TFAP2D: variants seen among roughly 807,000 people sequenced by gnomAD.
TFAP2D encodes the protein transcription factor AP-2 delta, also known as transcription factor AP-2-delta.
In TFAP2D, 9 loss-of-function variants were observed where a neutral mutation model predicts 43.6. That is an observed-to-expected ratio of 0.21 (90% confidence interval 0.12 to 0.36). The LOEUF (loss-of-function observed/expected upper bound fraction) is 0.36, where lower values mean the gene tolerates loss of function less well. Ranked by LOEUF, TFAP2D falls within the 10% of genes least tolerant of loss-of-function variation. The probability of loss-of-function intolerance (pLI) is 1.00; values close to 1 mark genes in which losing one functional copy is unlikely to be tolerated. For missense variants in TFAP2D, 513 were observed against 561.4 expected, an observed-to-expected ratio of 0.91 and a Z score of 0.87; for synonymous variants, 256 against 224.9, an observed-to-expected ratio of 1.14 and a Z score of -1.24.
At chr6:50,728,154 C>T (rs910757829) in intron 3 of TFAP2D, among the ~76,000 whole-genome samples, 3 of 152,132 alleles carry the variant, frequency 2.0e-5, no homozygotes, top group Admixed American at 2.0e-4. Flanking sequence ...TTACAATTTA[C>T]ATTTACAATG....
chr6:50,747,110 C>G (rs779604954), intron 6 of TFAP2D, among the ~76,000 whole-genome samples: 2 of 152,064 alleles, frequency 1.3e-5, no homozygotes, highest in Non-Finnish European at 2.9e-5. Flanking sequence ...AAATCTGAAC[C>G]TTTTGCATAT....
At chr6:50,751,364 C>A in intron 7 of TFAP2D, 40 bp downstream of exon 7, 2 of 1,343,328 alleles carry the variant, frequency 1.5e-6, no homozygotes, top group South Asian at 1.2e-5. Flanking sequence ...TCTTTACTAA[C>A]CCAGATGCTT....
Position 50,751,204 on chromosome 6 carries a change from A to T in TFAP2D, c.1026-7A>T. ...TTTCAATTTTAAATTTGATTCTTTT[A>T]TTTTAGACAAATCTGTAAAGAATTC... is the stretch of plus-strand genomic sequence containing the variant. On this transcript the variant is annotated splice_polypyrimidine_tract_variant and splice_region_variant and intron_variant, in intron 6 of 7. Coordinates refer to ENST00000008391, the MANE Select transcript of TFAP2D (RefSeq NM_172238.4). 6.3e-7 allele frequency: 1 copy of T among 1,586,750 alleles called. No homozygotes were observed. The highest frequency in any genetic ancestry group is 8.6e-7 in the Non-Finnish European group (1 of 1,158,272).
intron 7 of TFAP2D, among the ~76,000 whole-genome samples, chr6:50,767,690 G>A (rs537351024): frequency 1.2e-4 from 18 of 152,264 alleles, no homozygotes; most frequent in Non-Finnish European, 2.2e-4. Context: ...TCAATTGGCT[G>A]AGAGAGGGAG....
intron 7 of TFAP2D, among the ~76,000 whole-genome samples, chr6:50,755,805 A>T (rs1360085623): frequency 1.3e-5 from 2 of 152,076 alleles, no homozygotes; most frequent in Non-Finnish European, 2.9e-5. Context: ...AAAATTAAAA[A>T]TAAAAATATT....
chr6:50,749,846 G>T (rs1390242304), intron 6 of TFAP2D, among the ~76,000 whole-genome samples: 3 of 151,856 alleles, frequency 2.0e-5, no homozygotes, highest in Non-Finnish European at 2.9e-5. Context: ...GATCCAACTG[G>T]CCCTTTAGGA....
chr6:50,749,933 C>T (rs888913801), intron 6 of TFAP2D, among the ~76,000 whole-genome samples: 1 of 151,842 alleles, frequency 6.6e-6, no homozygotes, highest in Non-Finnish European at 1.5e-5. Context: ...TTTTTACTTT[C>T]ACCTGTGTTC....
intron 3 of TFAP2D, among the ~76,000 whole-genome samples, chr6:50,723,831 C>T (rs1459628265): frequency 3.3e-5 from 5 of 152,082 alleles, no homozygotes; most frequent in African/African-American, 7.2e-5. Context: ...CTCCCCCCAA[C>T]CCCCGCCATA....
intron 7 of TFAP2D, among the ~76,000 whole-genome samples, chr6:50,765,916 T>A (rs1038907633): frequency 6.6e-6 from 1 of 152,176 alleles, no homozygotes; most frequent in Non-Finnish European, 1.5e-5. Context: ...GTGCTTTAGG[T>A]GTCATGTCCA....
chr6:50,735,350 G>A (rs781050896), intron 5 of TFAP2D, among the ~76,000 whole-genome samples: 23 of 152,090 alleles, frequency 1.5e-4, no homozygotes, highest in Admixed American at 2.6e-4. Context: ...TAAAACTCAC[G>A]GATAGAAAAA....
At position 50,724,763 on chromosome 6, in the gene TFAP2D, G is replaced by T. The variant is rs958067221; in HGVS notation, c.599-4093G>T. Among the ~76,000 whole-genome samples the T allele has an allele frequency of 1.9e-4, 29 of 150,836 alleles. No individual in the cohort carries two copies. The East Asian group carries it at 4.1e-3, about 21-fold the overall frequency. ...CCAGTTGCAGCACAGACGGTGGCGG[G>T]GTGTGTGTGTGTGTGTGTCGGCGGG... is the stretch of plus-strand genomic sequence containing the variant. On this transcript the variant is annotated intron_variant, in intron 3 of 7. Transcript: ENST00000008391.
chr6:50,719,001 A>C (rs1298772435), intron 2 of TFAP2D, 89 bp from the exon 3 acceptor site: 2 of 1,233,670 alleles, frequency 1.6e-6, no homozygotes, highest in Non-Finnish European at 2.3e-6. Flanking sequence ...AACAGAGTTC[A>C]GGGATGGGCT....
At chr6:50,741,350 G>A (rs1176578441) in intron 5 of TFAP2D, among the ~76,000 whole-genome samples, 1 of 152,048 alleles carries the variant, frequency 6.6e-6, no homozygotes, top group Non-Finnish European at 1.5e-5. Flanking sequence ...ATAAATTTGT[G>A]TTGTGGGTGG....
intron 7 of TFAP2D, among the ~76,000 whole-genome samples, chr6:50,753,498 TG>T (rs1769225805): frequency 6.6e-6 from 1 of 151,938 alleles, no homozygotes; most frequent in African/African-American, 2.4e-5. Context: ...ATTTTCTTTG[TG>T]GGCTTTATAT....
chr6:50,747,087 G>A (rs1283163826), intron 6 of TFAP2D, among the ~76,000 whole-genome samples: 1 of 152,086 alleles, frequency 6.6e-6, no homozygotes, highest in Non-Finnish European at 1.5e-5. Flanking sequence ...AAACTTGCTA[G>A]TAGAAAAGAC....
At chr6:50,762,564 C>T (rs542073212) in intron 7 of TFAP2D, among the ~76,000 whole-genome samples, 24 of 152,200 alleles carry the variant, frequency 1.6e-4, no homozygotes, top group Non-Finnish European at 3.1e-4. Context: ...CCTTCCTGAA[C>T]TGAGCCAATT....
chr6:50,757,501 A>C (rs1421555636), intron 7 of TFAP2D, among the ~76,000 whole-genome samples: 2 of 92,570 alleles, frequency 2.2e-5, no homozygotes, highest in Admixed American at 1.7e-4. Flanking sequence ...AATATATATA[A>C]TTATTCTATA....
Position 50,729,036 on chromosome 6 carries a change from T to C in TFAP2D, c.764+15T>C. On this transcript the variant is annotated intron_variant, in intron 4 of 7. Coordinates refer to ENST00000008391, the MANE Select transcript of TFAP2D (RefSeq NM_172238.4). ...ATTTTGAGAAGGTAAGACAAAGCTA[T>C]ATTCTGGCACAGAATTTCTGCTAAC... is the stretch of plus-strand genomic sequence containing the variant. 1.2e-6 allele frequency: 2 copies of C among 1,612,954 alleles called. No homozygotes were observed. Among genetic ancestry groups the C allele is most frequent in the Non-Finnish European group, 1.7e-6 (2 of 1,179,602 alleles).
At chr6:50,718,972 G>T (rs916593111) in intron 2 of TFAP2D, 118 bp from the exon 3 acceptor site, 23 of 977,364 alleles carry the variant, frequency 2.4e-5, no homozygotes, top group Non-Finnish European at 3.3e-5. Context: ...CTCAATGCTT[G>T]CTTTCAAATG....
Sources: allele counts gnomAD v4.1 joint callset (sites outside exome capture counted in the v4.1 genomes callset), GRCh38; gene constraint gnomAD v4.1.1; transcripts MANE v1.5; gene names NCBI Gene and HGNC (gene_info 2026-07-23, HGNC 2026-07-21).